PLP1: variants seen among roughly 807,000 people sequenced by gnomAD.
PLP1 encodes myelin proteolipid protein.
A neutral mutation model predicts 18.5 loss-of-function variants in PLP1; 2 were observed. That is an observed-to-expected ratio of 0.11 (90% CI 0.04 to 0.34). The LOEUF (loss-of-function observed/expected upper bound fraction) is 0.34. Among genes scored for constraint, PLP1 ranks in the 10% least tolerant of loss-of-function variants. The pLI, the probability that PLP1 is intolerant of heterozygous loss-of-function variation, is 1.00. For synonymous variants in PLP1, 86 were observed against 83.2 expected, an observed-to-expected ratio of 1.03 and a Z score of -0.19; for missense variants, 105 against 207.3, an observed-to-expected ratio of 0.51 and a Z score of 3.03.
chrX:103,780,587 A>G (rs977623213), intron 1 of PLP1, among the ~76,000 whole-genome samples: 1 of 111,026 alleles, frequency 9.0e-6, no homozygotes, highest in Non-Finnish European at 1.9e-5. Context: ...AACCTTGTCC[A>G]CATGATTTGA....
chrX:103,780,394 C>T (rs2147756447), intron 1 of PLP1: 1 of 110,413 alleles, frequency 9.1e-6, no homozygotes, highest in African/African-American at 3.3e-5. Flanking sequence ...CTTCCCAATG[C>T]TTGCACATAA....
chrX:103,784,738 A>T (rs965695349), intron 1 of PLP1, among the ~76,000 whole-genome samples: 7 of 112,117 alleles, frequency 6.2e-5, no homozygotes, highest in Admixed American at 2.8e-4. Flanking sequence ...ACCCTCTGTT[A>T]CCACTTACTT....
intron 1 of PLP1, among the ~76,000 whole-genome samples, chrX:103,784,478 A>G (rs1326799591): frequency 9.0e-6 from 1 of 111,151 alleles, no homozygotes; most frequent in Non-Finnish European, 1.9e-5. Context: ...GTAATATCAA[A>G]CCTCCTATTT....
At position 103,789,152 on chromosome X, in the gene PLP1, T is replaced by C. The variant is rs1008569049; in HGVS notation, c.697-181T>C. On this transcript the variant is annotated intron_variant, in intron 5 of 6. Coordinates refer to ENST00000621218, the MANE Select transcript of PLP1 (RefSeq NM_000533.5). The stretch of plus-strand genomic sequence containing the variant: ...GTGATCTGGGTGTTAATGGGCCAGG[T>C]GCTATGGTGTACACTGAAGACTGGG... 2.4e-5 allele frequency: 12 copies of C among 492,377 alleles called. No homozygotes were observed. The African/African-American group carries it at 2.8e-4, about 11-fold the overall frequency. The allele number at this position is 492,377 out of a possible 1,213,427, so 40.6% of individuals were successfully genotyped here.
Position 103,790,540 on chromosome X carries a change from T to C in PLP1, c.776T>C (p.Ile259Thr). 8.3e-7 allele frequency: 1 copy of C among 1,207,467 alleles called. No homozygotes were observed. The highest frequency in any genetic ancestry group is 1.1e-6 in the Non-Finnish European group (1 of 891,445). Reference protein sequence around the residue: ...ATLVSLLTFMIAATYNFAVLK... With the variant: ...ATLVSLLTFMTAATYNFAVLK... ...TGTTCCCTACAGCTCACCTTCATGA[T>C]TGCTGCCACTTACAACTTTGCCGTC... is the stretch of plus-strand genomic sequence containing the variant. Residue 259 changes from isoleucine to threonine, a missense_variant, in exon 7 of 7, where the codon ATT (isoleucine) becomes ACT (threonine). Transcript: ENST00000621218.
At chrX:103,778,131 A>G (rs2074425306) in intron 1 of PLP1, among the ~76,000 whole-genome samples, 1 of 112,191 alleles carries the variant, frequency 8.9e-6, no homozygotes, top group Admixed American at 9.4e-5. Flanking sequence ...CTTATGAACT[A>G]TGTGACCTTG....
At chrX:103,780,636 C>T (rs990136645) in intron 1 of PLP1, among the ~76,000 whole-genome samples, 3 of 111,371 alleles carry the variant, frequency 2.7e-5, no homozygotes, top group Non-Finnish European at 5.7e-5. Flanking sequence ...CCAGAGACTT[C>T]GGGACTGTTT....
chrX:103,789,184 A>C, intron 5 of PLP1, 149 bp from the exon 6 acceptor site: 1 of 528,610 alleles, frequency 1.9e-6, no homozygotes, highest in Non-Finnish European at 3.4e-6. Context: ...TGGGAGGCCC[A>C]CATTTAGGGA....
At chrX:103,777,092 T>A in intron 1 of PLP1, 93 bp downstream of exon 1, 1 of 729,752 alleles carries the variant, frequency 1.4e-6, no homozygotes, top group South Asian at 2.2e-5. Flanking sequence ...TTCCATGGTT[T>A]AAATGAGTCG....
chrX:103,788,542 G>T (rs763083823), intron 5 of PLP1, 32 bp downstream of exon 5: 1 of 1,028,243 alleles, frequency 9.7e-7, no homozygotes, highest in African/African-American at 1.8e-5. Context: ...TTTTACAAGG[G>T]AGTAGCTAAT....
chrX:103,777,918 C>T (rs1797449049), intron 1 of PLP1, among the ~76,000 whole-genome samples: 1 of 112,219 alleles, frequency 8.9e-6, no homozygotes, highest in Admixed American at 9.4e-5. Context: ...ACTCAGTTGC[C>T]CCATGTATTC....
chrX:103,782,961 C>T (rs765258384), intron 1 of PLP1, among the ~76,000 whole-genome samples: 1 of 112,338 alleles, frequency 8.9e-6, no homozygotes, highest in Non-Finnish European at 1.9e-5. Context: ...CTTCTCCCCC[C>T]ATCCCCAGGC....
Position 103,790,874 on chromosome X carries a change from A to G in PLP1, c.*276A>G, listed in dbSNP as rs2074539617. The G allele has an allele frequency of 8.1e-6, 3 of 369,285 alleles. No individual in the cohort carries two copies. Among genetic ancestry groups the G allele is most frequent in the South Asian group, 8.8e-5 (2 of 22,601 alleles). 30.4% of individuals were successfully genotyped at this position (369,285 alleles called of 1,213,427 possible). On this transcript the variant is annotated 3_prime_UTR_variant, in exon 7 of 7. Transcript: ENST00000621218. ...CTTCCCAACTGCAAGTCACAAAGGA[A>G]TGGAGGCTCTAATTGAATTTTCAAG...
intron 1 of PLP1, among the ~76,000 whole-genome samples, chrX:103,784,208 G>A (rs2074476055): frequency 9.0e-6 from 1 of 111,505 alleles, no homozygotes; most frequent in Non-Finnish European, 1.9e-5. Flanking sequence ...ACTGGCATAG[G>A]GCCTGGGATA....
At chrX:103,790,007 C>T (rs1409881235) in intron 6 of PLP1, among the ~76,000 whole-genome samples, 4 of 112,219 alleles carry the variant, frequency 3.6e-5, no homozygotes, top group Non-Finnish European at 7.5e-5. Context: ...AGTGATTTAT[C>T]TGAAGTTATT....
chrX:103,790,828 G>C lies in PLP1; in HGVS notation c.*230G>C, dbSNP rs757696907. 154 of 420,807 alleles carry C rather than the reference G, an allele frequency of 3.7e-4. 1 individual carries two copies. Among genetic ancestry groups the C allele is most frequent in the African/African-American group, 3.6e-3 (146 of 40,281 alleles). The allele number at this position is 420,807 out of a possible 1,213,427, so 34.7% of individuals were successfully genotyped here. ...TTCATAGCTGGTTCCTGCTAGAAAT[G>C]GGAAATGCCTAAGAAGATGACTTCC... On this transcript the variant is annotated 3_prime_UTR_variant, in exon 7 of 7. Coordinates refer to ENST00000621218, the MANE Select transcript of PLP1 (RefSeq NM_000533.5).
intron 1 of PLP1, among the ~76,000 whole-genome samples, chrX:103,779,448 G>A (rs2074434945): frequency 8.9e-6 from 1 of 111,853 alleles, no homozygotes; most frequent in African/African-American, 3.2e-5. Context: ...CATCAAAATG[G>A]CAAGAATGCC....
At chrX:103,789,241 T>G (rs1410637857) in intron 5 of PLP1, 92 bp from the exon 6 acceptor site, 1 of 689,912 alleles carries the variant, frequency 1.4e-6, no homozygotes, top group South Asian at 2.1e-5. Flanking sequence ...AAGAAAGATA[T>G]CAACACATTC....
intron 3 of PLP1, 33 bp downstream of exon 3, chrX:103,786,759 A>G: frequency 8.3e-7 from 1 of 1,203,922 alleles, no homozygotes; most frequent in Non-Finnish European, 1.1e-6. Context: ...GGCAATAACA[A>G]GGGGTGGGGG....
Sources: gnomAD v4.1 joint callset for allele counts (sites outside exome capture counted in the v4.1 genomes callset) on GRCh38, gnomAD v4.1.1 for gene constraint, MANE v1.5 for transcripts, NCBI Gene and HGNC (gene_info 2026-07-23, HGNC 2026-07-21) for gene names.